The following KIZ variants were observed in gnomAD, a reference collection of about 807,000 sequenced individuals.
The protein encoded by KIZ is kizuna centrosomal protein, also known as centrosomal protein kizuna.
In KIZ, 68 loss-of-function variants were observed where a neutral mutation model predicts 79.6. That is an observed-to-expected ratio of 0.85 (90% CI 0.70 to 1.05). The LOEUF is 1.05. Ranked by LOEUF, KIZ falls within the 50% of genes least tolerant of loss-of-function variation. The probability of loss-of-function intolerance (pLI) is 0.00; values close to 1 mark genes in which losing one functional copy is unlikely to be tolerated. For synonymous variants in KIZ, 280 were observed against 281.8 expected (o/e 0.99, Z 0.06); for missense variants, 797 against 800.4 (o/e 1.00, Z 0.05).
In KIZ at chr20:21,219,475, G is replaced by C. The variant is rs1406665232; in HGVS notation, c.1678+3827G>C. Among the ~76,000 whole-genome samples the C allele has an allele frequency of 3.9e-5, 6 of 152,020 alleles. No homozygotes were observed. In the East Asian group the frequency reaches 1.2e-3, roughly 29 times the overall value. Reference sequence around the variant, plus strand: ...TGGGACTACAGGCATGCACCACCATGCCTGGCTAATTTTTGTATTTGTTAT... The same window carrying C: ...TGGGACTACAGGCATGCACCACCATCCCTGGCTAATTTTTGTATTTGTTAT... On this transcript the variant is annotated intron_variant, in intron 9 of 12. Coordinates refer to ENST00000619189, the MANE Select transcript of KIZ (RefSeq NM_018474.6).
intron 3 of KIZ, among the ~76,000 whole-genome samples, chr20:21,141,030 AGT>A (rs1389954576): frequency 2.0e-5 from 3 of 152,006 alleles, no homozygotes; most frequent in African/African-American, 7.3e-5. Flanking sequence ...ATAATAATAA[AGT>A]AAATTAAAAA....
At chr20:21,188,572 C>T (rs2034977931) in intron 6 of KIZ, among the ~76,000 whole-genome samples, 1 of 151,518 alleles carries the variant, frequency 6.6e-6, no homozygotes. Context: ...ATCACCCCTT[C>T]TGACCCTACA....
intron 6 of KIZ, among the ~76,000 whole-genome samples, chr20:21,176,978 G>A (rs2034463958): frequency 6.6e-6 from 1 of 152,178 alleles, no homozygotes; most frequent in African/African-American, 2.4e-5. Context: ...CATTGTACGT[G>A]TATTTTCTTT....
At chr20:21,202,752 C>G (rs2035648778) in intron 6 of KIZ, among the ~76,000 whole-genome samples, 1 of 152,134 alleles carries the variant, frequency 6.6e-6, no homozygotes, top group African/African-American at 2.4e-5. Context: ...TTTTATTGCC[C>G]TCTCATATTT....
intron 6 of KIZ, among the ~76,000 whole-genome samples, chr20:21,173,563 G>A (rs1363534264): frequency 7.5e-6 from 1 of 133,952 alleles, no homozygotes; most frequent in African/African-American, 2.8e-5. Context: ...GGGCAACAGA[G>A]GGAGATGCCG....
In KIZ at chr20:21,246,406, C is replaced by T. The variant is rs77782758; in HGVS notation, c.1925-73C>T. On this transcript the variant is annotated intron_variant, in intron 12 of 12. Coordinates refer to ENST00000619189, the MANE Select transcript of KIZ (RefSeq NM_018474.6). ...TGACACTCTGCTTAACCAGTCCTTC[C>T]GTGCTGTGCTGTTTTGTAAGCTCTT... The T allele has an allele frequency of 1.8e-3, 1,560 of 880,822 alleles. 21 individuals are homozygous for T. In the African/African-American group the frequency reaches 0.023, roughly 13 times the overall value. 54.6% of individuals were successfully genotyped at this position (880,822 alleles called of 1,614,324 possible).
intron 9 of KIZ, among the ~76,000 whole-genome samples, chr20:21,224,722 C>A (rs141582799): frequency 0.013 from 1,918 of 152,264 alleles, 31 homozygotes; most frequent in African/African-American, 0.044. Context: ...CAAGACACCC[C>A]TTAGAGACTG....
At chr20:21,182,309 C>G (rs1245767591) in intron 6 of KIZ, among the ~76,000 whole-genome samples, 1 of 152,164 alleles carries the variant, frequency 6.6e-6, no homozygotes, top group Non-Finnish European at 1.5e-5. Context: ...CATCTAGACA[C>G]CACAGCCTTA....
At chr20:21,153,537 A>G (rs1163409944) in intron 4 of KIZ, among the ~76,000 whole-genome samples, 1 of 152,200 alleles carries the variant, frequency 6.6e-6, no homozygotes, top group Non-Finnish European at 1.5e-5. Context: ...TGATGACTAC[A>G]TTTGTCATGG....
intron 12 of KIZ, chr20:21,246,228 A>G (rs573308420): frequency 2.1e-6 from 1 of 481,236 alleles, no homozygotes; most frequent in Admixed American, 4.2e-5. Context: ...AGAGTTGGGC[A>G]CAACAGAAGG....
In KIZ at chr20:21,243,402, T is replaced by A. The variant is rs530312128; in HGVS notation, c.1881-843T>A. Among the ~76,000 whole-genome samples, 25 of 151,918 alleles carry A rather than the reference T, an allele frequency of 1.6e-4. No individual in the cohort carries two copies. The South Asian group carries it at 5.2e-3, about 32-fold the overall frequency. ...GGAAGGAAAAGATATATTTGCAGGGTTTCCTGTGTCCAGAAGAACAAGGCC... is the reference window on the plus strand; with the variant it reads ...GGAAGGAAAAGATATATTTGCAGGGATTCCTGTGTCCAGAAGAACAAGGCC... On this transcript the variant is annotated intron_variant, in intron 11 of 12. Coordinates refer to ENST00000619189, the MANE Select transcript of KIZ (RefSeq NM_018474.6).
At chr20:21,231,961 A>T (rs1308404944) in intron 10 of KIZ, among the ~76,000 whole-genome samples, 1 of 152,230 alleles carries the variant, frequency 6.6e-6, no homozygotes, top group African/African-American at 2.4e-5. Flanking sequence ...ACACATTTTT[A>T]AAATAATCAC....
chr20:21,189,071 T>G (rs1254623164), intron 6 of KIZ, among the ~76,000 whole-genome samples: 6 of 152,052 alleles, frequency 3.9e-5, no homozygotes, highest in Admixed American at 3.9e-4. Context: ...CTCAAACTCC[T>G]AGGTTCAAGC....
chr20:21,211,768 A>G (rs890287792), intron 7 of KIZ, among the ~76,000 whole-genome samples: 2 of 152,210 alleles, frequency 1.3e-5, no homozygotes, highest in African/African-American at 4.8e-5. Context: ...CATCTTGAGA[A>G]TGTGTTACAG....
chr20:21,177,174 C>T (rs997705828), intron 6 of KIZ, among the ~76,000 whole-genome samples: 1 of 152,004 alleles, frequency 6.6e-6, no homozygotes, highest in Non-Finnish European at 1.5e-5. Context: ...TGAGGAATCT[C>T]TGTACTGTTT....
In KIZ at chr20:21,235,044, A is replaced by G. The variant is rs141870766; in HGVS notation, c.1880+2214A>G. 8.1e-3 allele frequency among the ~76,000 whole-genome samples: 1,234 copies of G among 152,352 alleles called. 14 individuals are homozygous for G. The highest frequency in any genetic ancestry group is 0.014 in the Middle Eastern group (4 of 294). On this transcript the variant is annotated intron_variant, in intron 11 of 12. Transcript: ENST00000619189. ...TGCAAATGTTGCCTGTGATGAATGC[A>G]GAATGAGGGCCAGAGGGTCCGTCCT...
chr20:21,179,583 GATC>G (rs1354852429), intron 6 of KIZ, among the ~76,000 whole-genome samples: 1 of 150,816 alleles, frequency 6.6e-6, no homozygotes. Context: ...ATTTATCTCT[GATC>G]ATTATTATTT....
intron 6 of KIZ, among the ~76,000 whole-genome samples, chr20:21,187,122 AAC>A (rs2034905512): frequency 6.6e-6 from 1 of 152,212 alleles, no homozygotes; most frequent in African/African-American, 2.4e-5. Context: ...ATTAAAAAAA[AAC>A]ACAATTCAAA....
intron 7 of KIZ, among the ~76,000 whole-genome samples, chr20:21,213,145 G>A (rs1568982663): frequency 6.6e-6 from 1 of 152,152 alleles, no homozygotes; most frequent in Non-Finnish European, 1.5e-5. Context: ...TACTAGGGAG[G>A]GAAGAAGGCA....
Sources: allele counts gnomAD v4.1 joint callset (sites outside exome capture counted in the v4.1 genomes callset), GRCh38; gene constraint gnomAD v4.1.1; transcripts MANE v1.5; gene names NCBI Gene and HGNC (gene_info 2026-07-23, HGNC 2026-07-21).